Variants in GPHN observed in about 807,000 individuals in gnomAD.
GPHN encodes the protein gephyrin.
GPHN carries 17 observed loss-of-function variants against 95.5 expected under a neutral mutation model. The observed-to-expected ratio is 0.18, with a 90% CI of 0.12 to 0.27. The LOEUF (loss-of-function observed/expected upper bound fraction) is 0.27. Ranked by LOEUF, GPHN falls within the 10% of genes least tolerant of loss-of-function variation. GPHN has a pLI of 1.00. For missense variants in GPHN, 660 were observed against 978.1 expected (o/e 0.67, Z 4.34); for synonymous variants, 320 against 322.5 (o/e 0.99, Z 0.08).
chr14:67,352,909 A>G, the GPHN span: 7 of 1,557,196 alleles, frequency 4.5e-6, no homozygotes, highest in South Asian at 5.8e-5. Context: ...TATTCTAAGA[A>G]AAGTTCATTC....
the GPHN span, chr14:67,642,165 T>C: frequency 3.7e-6 from 6 of 1,610,574 alleles, no homozygotes; most frequent in African/African-American, 8.0e-5. Flanking sequence ...ATTCATCTTG[T>C]CATCCCTCAT....
the GPHN span, chr14:67,611,015 G>A: frequency 1.5e-4 from 24 of 156,068 alleles, no homozygotes; most frequent in African/African-American, 5.3e-4. Flanking sequence ...ACCAGCTGCT[G>A]GAGCCGTACC....
chr14:67,431,165 C>A, the GPHN span, among the ~76,000 whole-genome samples: 1 of 151,862 alleles, frequency 6.6e-6, no homozygotes, highest in Non-Finnish European at 1.5e-5. Context: ...GAGGCCGAGG[C>A]GGGTGGATCA....
the GPHN span, chr14:67,205,190 T>C: frequency 7.5e-6 from 9 of 1,207,184 alleles, no homozygotes; most frequent in African/African-American, 1.2e-4. Flanking sequence ...CAAAATGCTA[T>C]GGAACCTACC....
rs537888180 is a variant in GPHN, at chr14:66,812,876, A to G, written c.202-11598A>G. Among the ~76,000 whole-genome samples the G allele has an allele frequency of 7.9e-5, 12 of 152,342 alleles. No individual in the cohort carries two copies. The East Asian group carries it at 2.3e-3, about 29-fold the overall frequency. Reference sequence around the variant, plus strand: ...CATGTTGAAATTATATGTAGAATGAAAGGAAAATTAGAAATATTCAAGATT... The same window carrying G: ...CATGTTGAAATTATATGTAGAATGAGAGGAAAATTAGAAATATTCAAGATT... On this transcript the variant is annotated intron_variant, in intron 3 of 22. Transcript: ENST00000478722.
intron 2 of GPHN, among the ~76,000 whole-genome samples, chr14:66,692,490 AG>A (rs1470798230): frequency 2.0e-5 from 3 of 152,194 alleles, no homozygotes; most frequent in African/African-American, 7.2e-5. Flanking sequence ...CTCTAGTAGT[AG>A]GCCTGGGACT....
chr14:67,383,895 G>A, the GPHN span: 1 of 210,806 alleles, frequency 4.7e-6, no homozygotes, highest in African/African-American at 2.4e-5. Flanking sequence ...CCAGTTAAAA[G>A]CATTTTAATA....
the GPHN span, among the ~76,000 whole-genome samples, chr14:67,584,378 C>G: frequency 3.3e-3 from 498 of 152,320 alleles, 3 homozygotes; most frequent in Admixed American, 7.5e-3. Context: ...AAGATTCAGA[C>G]TTGAAATAAC....
chr14:66,775,261 G>T (rs1436702743), intron 2 of GPHN, among the ~76,000 whole-genome samples: 1 of 151,906 alleles, frequency 6.6e-6, no homozygotes, highest in Non-Finnish European at 1.5e-5. Flanking sequence ...TCTTACGTAT[G>T]ATACTCCTTT....
At chr14:66,692,644 A>G (rs1272504723) in intron 2 of GPHN, among the ~76,000 whole-genome samples, 1 of 149,634 alleles carries the variant, frequency 6.7e-6, no homozygotes, top group African/African-American at 2.6e-5. Flanking sequence ...TGCTATTTCT[A>G]ATTACCATTT....
intron 11 of GPHN, among the ~76,000 whole-genome samples, chr14:67,074,078 G>A (rs992690109): frequency 1.3e-5 from 2 of 152,002 alleles, no homozygotes; most frequent in African/African-American, 4.8e-5. Flanking sequence ...TAGACTTGAG[G>A]GCATCCACCA....
chr14:66,852,979 T>C (rs2062654165), intron 4 of GPHN, among the ~76,000 whole-genome samples: 1 of 152,224 alleles, frequency 6.6e-6, no homozygotes, highest in African/African-American at 2.4e-5. Flanking sequence ...ATTCATTGTA[T>C]AATCAGTGCT....
At chr14:67,645,447 G>C in the GPHN span, among the ~76,000 whole-genome samples, 1 of 152,128 alleles carries the variant, frequency 6.6e-6, no homozygotes, top group African/African-American at 2.4e-5. Flanking sequence ...CACCAGCTTC[G>C]AATCTCTAGG....
the GPHN span, among the ~76,000 whole-genome samples, chr14:67,266,649 A>G: frequency 1.3e-5 from 2 of 151,952 alleles, no homozygotes; most frequent in Non-Finnish European, 2.9e-5. Context: ...TTTTACTTGT[A>G]TTTATTTAGT....
intron 2 of GPHN, among the ~76,000 whole-genome samples, chr14:66,751,046 A>G (rs924842705): frequency 2.6e-5 from 4 of 151,988 alleles, no homozygotes; most frequent in African/African-American, 9.7e-5. Flanking sequence ...AAAGTAGCAG[A>G]AAAACAATAA....
chr14:67,416,908 G>A, the GPHN span, among the ~76,000 whole-genome samples: 2 of 152,248 alleles, frequency 1.3e-5, no homozygotes, highest in African/African-American at 4.8e-5. Flanking sequence ...TGAACATTGA[G>A]TGGTCCTACT....
At chr14:67,594,091 C>T in the GPHN span, 1 of 619,280 alleles carries the variant, frequency 1.6e-6, no homozygotes, top group Non-Finnish European at 2.9e-6. Flanking sequence ...TACAGTGAAA[C>T]AGATCCAGAC....
chr14:66,805,771 C>A (rs2060517148), intron 3 of GPHN, among the ~76,000 whole-genome samples: 1 of 152,188 alleles, frequency 6.6e-6, no homozygotes, highest in Non-Finnish European at 1.5e-5. Context: ...TTGGGCAGCT[C>A]CACTCCTGTG....
chr14:67,704,513 CT>C, the GPHN span, among the ~76,000 whole-genome samples: 1 of 152,084 alleles, frequency 6.6e-6, no homozygotes, highest in Non-Finnish European at 1.5e-5. Context: ...TATAACCACC[CT>C]GGGTTAGGGG....
Sources: allele counts gnomAD v4.1 joint callset (sites outside exome capture counted in the v4.1 genomes callset), GRCh38; gene constraint gnomAD v4.1.1; transcripts MANE v1.5; gene names NCBI Gene and HGNC (gene_info 2026-07-23, HGNC 2026-07-21).